The following PDZRN4 variants were observed in gnomAD, a reference collection of about 807,000 sequenced individuals.
PDZRN4 encodes PDZ domain containing ring finger 4.
Under a neutral mutation model 99.0 loss-of-function variants are expected in PDZRN4, and 70 were observed. That is an observed-to-expected ratio of 0.71 (90% CI 0.58 to 0.86). PDZRN4 has a LOEUF of 0.86. PDZRN4 is among the 40% of genes least tolerant of loss of function. PDZRN4 has a pLI of 0.00. For missense variants in PDZRN4, 1,474 were observed against 1,331.2 expected (o/e 1.11, Z -1.67); for synonymous variants, 551 against 501.6 (o/e 1.10, Z -1.32).
intron 6 of PDZRN4, among the ~76,000 whole-genome samples, chr12:41,554,951 G>A (rs1463583825): frequency 6.6e-5 from 10 of 150,488 alleles, no homozygotes; most frequent in Non-Finnish European, 1.5e-4. Context: ...GCTCACGCCT[G>A]TAATCCTAGC....
chr12:41,468,617 TCCCTGC>T (rs1489193738), intron 3 of PDZRN4, among the ~76,000 whole-genome samples: 2 of 152,188 alleles, frequency 1.3e-5, no homozygotes, highest in Non-Finnish European at 2.9e-5. Flanking sequence ...CCAAGTAAAT[TCCCTGC>T]CTGCTTCTTT....
chr12:41,313,062 A>T (rs1453533008), intron 3 of PDZRN4, among the ~76,000 whole-genome samples: 1 of 152,154 alleles, frequency 6.6e-6, no homozygotes, highest in African/African-American at 2.4e-5. Flanking sequence ...TGTATTATCC[A>T]TCTGTGTGAA....
chr12:41,292,781 C>T (rs1951464682), intron 3 of PDZRN4, among the ~76,000 whole-genome samples: 1 of 152,052 alleles, frequency 6.6e-6, no homozygotes, highest in Non-Finnish European at 1.5e-5. Flanking sequence ...ATTCAGCAAA[C>T]TTGGAAACTA....
At chr12:41,206,517 T>TATTA (rs1264041658) in intron 3 of PDZRN4, among the ~76,000 whole-genome samples, 3 of 151,318 alleles carry the variant, frequency 2.0e-5, no homozygotes, top group Non-Finnish European at 3.0e-5. Flanking sequence ...CTTAATTATT[T>TATTA]ATTAATTAAG....
chr12:41,566,810 A>C (rs181181749), intron 8 of PDZRN4, among the ~76,000 whole-genome samples: 13 of 152,254 alleles, frequency 8.5e-5, no homozygotes, highest in African/African-American at 2.4e-5. Flanking sequence ...CTAGAATGCT[A>C]TTTCTTTGTA....
chr12:41,489,574 A>G (rs1445507757), intron 3 of PDZRN4, among the ~76,000 whole-genome samples: 1 of 152,140 alleles, frequency 6.6e-6, no homozygotes, highest in African/African-American at 2.4e-5. Flanking sequence ...AGTATAAGCA[A>G]TGAGGGGCAG....
At chr12:41,254,707 A>G (rs1482364433) in intron 3 of PDZRN4, among the ~76,000 whole-genome samples, 1 of 152,264 alleles carries the variant, frequency 6.6e-6, no homozygotes, top group African/African-American at 2.4e-5. Context: ...ATGCTGTGCA[A>G]TGAGTGAGTC....
At chr12:41,224,025 C>T (rs546635441) in intron 3 of PDZRN4, among the ~76,000 whole-genome samples, 2 of 152,322 alleles carry the variant, frequency 1.3e-5, no homozygotes, top group South Asian at 4.1e-4. Context: ...GAGTGCAACT[C>T]TCTGCAGAAA....
At chr12:41,443,564 G>A (rs1952699624) in intron 3 of PDZRN4, among the ~76,000 whole-genome samples, 1 of 152,218 alleles carries the variant, frequency 6.6e-6, no homozygotes, top group East Asian at 1.9e-4. Flanking sequence ...GTTATGGTGT[G>A]TGTTTGGGGC....
At chr12:41,277,252 G>C (rs182822635) in intron 3 of PDZRN4, among the ~76,000 whole-genome samples, 1 of 152,130 alleles carries the variant, frequency 6.6e-6, no homozygotes, top group Non-Finnish European at 1.5e-5. Context: ...ATCTGAACTT[G>C]GGTACTAAAA....
intron 3 of PDZRN4, among the ~76,000 whole-genome samples, chr12:41,385,247 A>G (rs1952160859): frequency 6.6e-6 from 1 of 152,220 alleles, no homozygotes. Context: ...AAGGAAGATC[A>G]GAAAAACAAG....
intron 3 of PDZRN4, among the ~76,000 whole-genome samples, chr12:41,465,877 A>G (rs1952919524): frequency 1.3e-5 from 2 of 152,072 alleles, no homozygotes; most frequent in South Asian, 4.1e-4. Context: ...AAATATACAC[A>G]TTACTGTTTC....
intron 3 of PDZRN4, among the ~76,000 whole-genome samples, chr12:41,312,482 A>G (rs1467907880): frequency 6.6e-6 from 1 of 152,120 alleles, no homozygotes; most frequent in Non-Finnish European, 1.5e-5. Context: ...GTCTGTTCTC[A>G]TGCCGCTAAT....
chr12:41,311,271 ATT>A (rs5797724), intron 3 of PDZRN4, among the ~76,000 whole-genome samples: 261 of 150,174 alleles, frequency 1.7e-3, no homozygotes, highest in African/African-American at 5.4e-3. Flanking sequence ...AGCAATGAGA[ATT>A]TTTTTTTTTC....
chr12:41,432,504 C>G (rs1952593660), intron 3 of PDZRN4, among the ~76,000 whole-genome samples: 1 of 152,158 alleles, frequency 6.6e-6, no homozygotes, highest in African/African-American at 2.4e-5. Context: ...CCCAGTTACA[C>G]TCATTAATTC....
chr12:41,561,329 A>G (rs912770949), intron 7 of PDZRN4, among the ~76,000 whole-genome samples: 1 of 152,068 alleles, frequency 6.6e-6, no homozygotes, highest in Non-Finnish European at 1.5e-5. Flanking sequence ...AGTAATAACA[A>G]CAATAACAAT....
chr12:41,447,596 A>G (rs1386072761), intron 3 of PDZRN4, among the ~76,000 whole-genome samples: 1 of 152,146 alleles, frequency 6.6e-6, no homozygotes, highest in Non-Finnish European at 1.5e-5. Flanking sequence ...CAGGCATTAC[A>G]TAAATGGTAA....
chr12:41,418,619 A>T (rs1170366478), intron 3 of PDZRN4, among the ~76,000 whole-genome samples: 1 of 152,192 alleles, frequency 6.6e-6, no homozygotes, highest in Non-Finnish European at 1.5e-5. Flanking sequence ...AGAATCTGTG[A>T]GAGTCACTAC....
At chr12:41,282,292 T>C (rs921934331) in intron 3 of PDZRN4, among the ~76,000 whole-genome samples, 3 of 152,076 alleles carry the variant, frequency 2.0e-5, no homozygotes, top group Admixed American at 2.0e-4. Context: ...TACATAATGG[T>C]AAAGGGATCA....
Sources: gnomAD v4.1 joint callset for allele counts (sites outside exome capture counted in the v4.1 genomes callset) on GRCh38, gnomAD v4.1.1 for gene constraint, MANE v1.5 for transcripts, NCBI Gene and HGNC (gene_info 2026-07-23, HGNC 2026-07-21) for gene names.